Variants in RALGAPA1 observed in about 807,000 individuals in gnomAD.
The protein encoded by RALGAPA1 is Ral GTPase activating protein catalytic subunit alpha 1.
RALGAPA1 carries 52 observed loss-of-function variants against 269.6 expected under a neutral mutation model. The ratio of observed to expected loss-of-function variants is 0.19; its 90% CI spans 0.15 to 0.24. The LOEUF is 0.24. RALGAPA1 is among the 10% of genes least tolerant of loss of function. RALGAPA1 has a pLI of 1.00. For missense variants in RALGAPA1, 1,917 were observed against 3,013.9 expected (o/e 0.64, Z 8.52); for synonymous variants, 817 against 1,008.3 (o/e 0.81, Z 3.60).
At chr14:35,595,996 C>A (rs1180254705) in intron 36 of RALGAPA1, among the ~76,000 whole-genome samples, 1 of 151,910 alleles carries the variant, frequency 6.6e-6, no homozygotes, top group Non-Finnish European at 1.5e-5. Flanking sequence ...TAGGAGTTAA[C>A]CAGGAAAGGT....
rs144996791 is a variant in RALGAPA1 at position 35,745,840 on chromosome 14, G to A, written c.1251+2745C>T. ...TGGCTCATGCCTTCAATCCCAGCAC[G>A]CTGGGAGGCCGACGAGAGAGGATGG... On this transcript the variant is annotated intron_variant, in intron 10 of 41. Coordinates refer to ENST00000680220, the MANE Select transcript of RALGAPA1 (RefSeq NM_001346249.2). Among the ~76,000 whole-genome samples, 576 of 149,228 alleles carry A rather than the reference G, an allele frequency of 3.9e-3. 5 individuals are homozygous for A. Among genetic ancestry groups the A allele is most frequent in the African/African-American group, 0.013 (542 of 40,438 alleles).
At chr14:35,737,958 C>G (rs150082174) in intron 12 of RALGAPA1, among the ~76,000 whole-genome samples, 1 of 142,868 alleles carries the variant, frequency 7.0e-6, no homozygotes, top group Non-Finnish European at 1.5e-5. Context: ...CATAGTGGCA[C>G]GCGCCTGTAA....
chr14:35,595,904 A>G, intron 36 of RALGAPA1, 115 bp from the exon 37 acceptor site: 1 of 706,904 alleles, frequency 1.4e-6, no homozygotes, highest in South Asian at 1.9e-5. Context: ...TTTGCATGTT[A>G]TCAACCAATA....
intron 4 of RALGAPA1, chr14:35,766,096 C>A: frequency 8.9e-7 from 1 of 1,125,310 alleles, no homozygotes; most frequent in Non-Finnish European, 1.4e-6. Context: ...TGCTATGCGG[C>A]TTTAGGATCA....
chr14:35,694,538 T>G (rs2066747771), intron 17 of RALGAPA1, among the ~76,000 whole-genome samples: 1 of 152,154 alleles, frequency 6.6e-6, no homozygotes, highest in African/African-American at 2.4e-5. Context: ...TACATTATTG[T>G]AATCATATGA....
At chr14:35,798,221 G>C (rs1238780324) in intron 1 of RALGAPA1, among the ~76,000 whole-genome samples, 2 of 150,094 alleles carry the variant, frequency 1.3e-5, no homozygotes, top group Admixed American at 1.3e-4. Context: ...GCCCAGGCTA[G>C]TGTGCAGGGG....
At chr14:35,791,766 C>T (rs61613627) in intron 1 of RALGAPA1, among the ~76,000 whole-genome samples, 3,306 of 147,088 alleles carry the variant, frequency 0.022, 121 homozygotes, top group South Asian at 0.15. Flanking sequence ...ATTAGCTCGG[C>T]GTGGTGGCGG....
rs752212050 is a variant in RALGAPA1 at position 35,605,675 on chromosome 14, C to T, written c.6964G>A (p.Ala2322Thr). 3.1e-6 allele frequency: 5 copies of T among 1,610,990 alleles called. No homozygotes were observed. Among genetic ancestry groups the T allele is most frequent in the Non-Finnish European group, 4.2e-6 (5 of 1,179,016 alleles). The part of the protein sequence containing the change: ...ETHKIAVFYV[A>T]EGQEDKHSIL... The stretch of plus-strand genomic sequence containing the variant: ...GAGTGTTTGTCTTCTTGTCCTTCAG[C>T]AACATAAAATACTGCAATCTTGTGT... Residue 2322 changes from alanine to threonine, a missense_variant, in exon 36 of 42, where the codon GCT (alanine) becomes ACT (threonine). Physicochemically the swap from Ala to Thr is moderately conservative, Grantham distance 58. Around this residue, in one of 11 missense-constraint regions of RALGAPA1, gnomAD observed 132 missense variants for 271.2 expected, o/e 0.49. Transcript: ENST00000680220.
At chr14:35,562,859 A>C (rs973893966) in intron 39 of RALGAPA1, among the ~76,000 whole-genome samples, 3 of 151,292 alleles carry the variant, frequency 2.0e-5, no homozygotes, top group Non-Finnish European at 4.4e-5. Context: ...ATCTCTACTA[A>C]AAATACAAAA....
chr14:35,700,015 A>G, intron 17 of RALGAPA1, 147 bp downstream of exon 17: 2 of 671,922 alleles, frequency 3.0e-6, no homozygotes, highest in Non-Finnish European at 4.7e-6. Context: ...AATAACTCAA[A>G]ATGTTGATTT....
intron 34 of RALGAPA1, 72 bp downstream of exon 34, chr14:35,627,010 ACAGAAAAT>A: frequency 7.4e-7 from 1 of 1,349,018 alleles, no homozygotes; most frequent in Non-Finnish European, 9.8e-7. Context: ...GAGGAAAAGA[ACAGAAAAT>A]AAAATGCTTT....
At chr14:35,574,761 T>A (rs2139511119) in intron 37 of RALGAPA1, among the ~76,000 whole-genome samples, 1 of 152,322 alleles carries the variant, frequency 6.6e-6, no homozygotes, top group African/African-American at 2.4e-5. Flanking sequence ...CAGGCATATG[T>A]ATGTTTGACA....
intron 1 of RALGAPA1, among the ~76,000 whole-genome samples, chr14:35,804,885 C>T (rs2141964317): frequency 6.6e-6 from 1 of 152,028 alleles, no homozygotes; most frequent in East Asian, 1.9e-4. Context: ...GCCACGTTTG[C>T]AACACGGTAC....
intron 14 of RALGAPA1, among the ~76,000 whole-genome samples, chr14:35,724,535 G>A (rs1250739074): frequency 2.0e-5 from 3 of 151,828 alleles, no homozygotes; most frequent in African/African-American, 7.3e-5. Flanking sequence ...ACCACCAACT[G>A]AGAAGGGAGG....
At chr14:35,589,743 G>A (rs552695102) in intron 37 of RALGAPA1, among the ~76,000 whole-genome samples, 2 of 152,126 alleles carry the variant, frequency 1.3e-5, no homozygotes, top group South Asian at 4.2e-4. Flanking sequence ...CTCTGTCACT[G>A]AGGCTGTAGT....
At position 35,664,730 on chromosome 14, in the gene RALGAPA1, A is replaced by G. The variant is rs781068214; in HGVS notation, c.5240T>C (p.Leu1747Ser). Residue 1747 changes from leucine to serine, a missense_variant, in exon 27 of 42, where the codon TTG (leucine) becomes TCG (serine). Leu to Ser is a moderately radical substitution (Grantham distance 145, BLOSUM62 -2). Coordinates refer to ENST00000680220, the MANE Select transcript of RALGAPA1 (RefSeq NM_001346249.2). ...ACAATATAAGTTGGGAAAGCAAACC[A>G]AAGATCCCAGAAGAACTTGTGCTTC... ...RVEAQVLLGS[L>S]VCFPNLYCEL... The G allele has an allele frequency of 6.8e-6, 11 of 1,612,866 alleles. No homozygotes were observed. In the East Asian group the frequency reaches 2.2e-4, roughly 33 times the overall value.
rs147183138 is a variant in RALGAPA1, at chr14:35,562,796, C to T, written c.7496+7821G>A. On this transcript the variant is annotated intron_variant, in intron 39 of 41. Transcript: ENST00000680220. ...CAGCACTTTGGGAGGCTGAGGTGGGCGGATCACGAGTTCAGGAGATCGAGA... is the reference window on the plus strand; with the variant it reads ...CAGCACTTTGGGAGGCTGAGGTGGGTGGATCACGAGTTCAGGAGATCGAGA... Among the ~76,000 whole-genome samples the T allele has an allele frequency of 3.6e-4, 54 of 151,586 alleles. 1 individual carries two copies. The highest frequency in any genetic ancestry group is 3.4e-3 in the Middle Eastern group (1 of 294).
At chr14:35,626,156 C>T (rs545499147) in intron 34 of RALGAPA1, among the ~76,000 whole-genome samples, 54 of 152,256 alleles carry the variant, frequency 3.5e-4, no homozygotes, top group South Asian at 1.9e-3. Context: ...TTCTAATAAA[C>T]GGCTTTCCTA....
At chr14:35,585,434 C>G (rs892465309) in intron 37 of RALGAPA1, among the ~76,000 whole-genome samples, 10 of 84,508 alleles carry the variant, frequency 1.2e-4, no homozygotes, top group Non-Finnish European at 2.1e-4. Context: ...TATTTTGAAA[C>G]AAATGAAAAT....
Sources: allele counts gnomAD v4.1 joint callset (sites outside exome capture counted in the v4.1 genomes callset), GRCh38; gene constraint gnomAD v4.1.1; regional missense constraint gnomAD v4.1.1; transcripts MANE v1.5; gene names NCBI Gene and HGNC (gene_info 2026-07-23, HGNC 2026-07-21).